Variants in LUZP2 observed in about 807,000 individuals in gnomAD.
LUZP2 encodes leucine zipper protein 2.
Under a neutral mutation model 51.6 loss-of-function variants are expected in LUZP2, and 52 were observed. The ratio of observed to expected loss-of-function variants is 1.01; its 90% CI spans 0.81 to 1.27. LUZP2 has a LOEUF of 1.27. LUZP2 is among the 50% of genes most tolerant of loss of function. The pLI, the probability that LUZP2 is intolerant of heterozygous loss-of-function variation, is 0.00. For synonymous variants in LUZP2, 154 were observed against 137.3 expected (o/e 1.12, Z -0.85); for missense variants, 436 against 395.4 (o/e 1.10, Z -0.87).
At chr11:24,533,056 T>C (rs1292279441) in intron 1 of LUZP2, among the ~76,000 whole-genome samples, 2 of 151,242 alleles carry the variant, frequency 1.3e-5, no homozygotes, top group African/African-American at 2.4e-5. Flanking sequence ...GAAAAGACAG[T>C]GCTGTATAAT....
At chr11:25,016,018 T>TCACGCCATTCTCCTGCCTC (rs1376970493) in intron 9 of LUZP2, among the ~76,000 whole-genome samples, 9 of 151,774 alleles carry the variant, frequency 5.9e-5, no homozygotes, top group Non-Finnish European at 1.2e-4. Flanking sequence ...CCTCCCGGGT[T>TCACGCCATTCTCCTGCCTC]CACGCCATTC....
intron 9 of LUZP2, among the ~76,000 whole-genome samples, chr11:25,016,860 A>C (rs897388272): frequency 6.6e-6 from 1 of 152,006 alleles, no homozygotes; most frequent in Non-Finnish European, 1.5e-5. Context: ...CACGTTTTTC[A>C]TAGAGGTTAT....
At chr11:24,664,694 A>T (rs923054301) in intron 1 of LUZP2, among the ~76,000 whole-genome samples, 1 of 152,162 alleles carries the variant, frequency 6.6e-6, no homozygotes, top group Non-Finnish European at 1.5e-5. Flanking sequence ...TACAGCTTAC[A>T]TCATTGCTTC....
chr11:24,970,852 C>G (rs1855719078), intron 7 of LUZP2, among the ~76,000 whole-genome samples: 1 of 152,110 alleles, frequency 6.6e-6, no homozygotes, highest in Non-Finnish European at 1.5e-5. Flanking sequence ...CAAGCTCCAG[C>G]TTTTTATGGT....
intron 5 of LUZP2, among the ~76,000 whole-genome samples, chr11:24,862,925 G>A (rs566655024): frequency 6.6e-6 from 1 of 152,106 alleles, no homozygotes; most frequent in South Asian, 2.1e-4. Context: ...ATTTTTTTAA[G>A]AAAACAATTA....
chr11:24,638,357 T>C (rs1164357836), intron 1 of LUZP2, among the ~76,000 whole-genome samples: 1 of 151,682 alleles, frequency 6.6e-6, no homozygotes, highest in Non-Finnish European at 1.5e-5. Context: ...AATTTCTAGC[T>C]ACAGAAGAAT....
At chr11:24,546,382 A>AAAGGAAAT (rs1244511626) in intron 1 of LUZP2, among the ~76,000 whole-genome samples, 1 of 152,080 alleles carries the variant, frequency 6.6e-6, no homozygotes, top group Non-Finnish European at 1.5e-5. Flanking sequence ...AAATGCTTCC[A>AAAGGAAAT]GCTCCTCCCT....
chr11:24,543,691 C>T (rs530548564), intron 1 of LUZP2, among the ~76,000 whole-genome samples: 7 of 151,706 alleles, frequency 4.6e-5, no homozygotes, highest in African/African-American at 1.7e-4. Context: ...CATGGTGGTG[C>T]GTGACTGTAA....
intron 5 of LUZP2, among the ~76,000 whole-genome samples, chr11:24,837,544 A>T (rs1850896895): frequency 6.6e-6 from 1 of 151,774 alleles, no homozygotes; most frequent in South Asian, 2.1e-4. Context: ...TGCATTTTTA[A>T]AATAACTTGT....
chr11:24,756,915 G>T (rs1369307808), intron 4 of LUZP2, among the ~76,000 whole-genome samples: 2 of 152,170 alleles, frequency 1.3e-5, no homozygotes, highest in African/African-American at 4.8e-5. Flanking sequence ...ATAACCACCT[G>T]CTTTGTTTTG....
At chr11:24,867,419 C>T (rs1206281444) in intron 5 of LUZP2, among the ~76,000 whole-genome samples, 2 of 152,136 alleles carry the variant, frequency 1.3e-5, no homozygotes, top group Non-Finnish European at 2.9e-5. Flanking sequence ...CTGTCTTTCT[C>T]TCCCTTCTCT....
intron 1 of LUZP2, among the ~76,000 whole-genome samples, chr11:24,671,768 G>A (rs1004305556): frequency 1.3e-5 from 2 of 152,064 alleles, no homozygotes; most frequent in African/African-American, 2.4e-5. Context: ...TAGTTGGAAC[G>A]TGTACTAAAT....
At chr11:24,696,309 CCAGACAAACAAA>C (rs1554974773) in intron 1 of LUZP2, among the ~76,000 whole-genome samples, 1 of 151,926 alleles carries the variant, frequency 6.6e-6, no homozygotes, top group Non-Finnish European at 1.5e-5. Flanking sequence ...TATTGAGTCA[CCAGACAAACAAA>C]AAGGGTTACT....
At chr11:24,641,754 G>A (rs1456766313) in intron 1 of LUZP2, among the ~76,000 whole-genome samples, 2 of 151,832 alleles carry the variant, frequency 1.3e-5, no homozygotes, top group South Asian at 2.1e-4. Context: ...GAAAACCTGG[G>A]TTTTCTTGAA....
intron 4 of LUZP2, among the ~76,000 whole-genome samples, chr11:24,741,946 CATT>C (rs1565110996): frequency 1.1e-5 from 1 of 94,184 alleles, no homozygotes; most frequent in Non-Finnish European, 2.4e-5. Flanking sequence ...TAAATATATA[CATT>C]TATATATTAT....
intron 5 of LUZP2, among the ~76,000 whole-genome samples, chr11:24,798,343 A>G (rs536100477): frequency 1.3e-5 from 2 of 152,090 alleles, no homozygotes; most frequent in Admixed American, 1.3e-4. Flanking sequence ...GACTAAAAGC[A>G]CACACCACCA....
intron 1 of LUZP2, among the ~76,000 whole-genome samples, chr11:24,635,613 G>A (rs957098778): frequency 4.6e-5 from 7 of 152,116 alleles, no homozygotes; most frequent in African/African-American, 1.7e-4. Context: ...GGTTAAAGAT[G>A]TCAGAATACA....
In LUZP2 at chr11:24,781,457, T is replaced by C. The variant is rs371869202; in HGVS notation, c.396+18149T>C. On this transcript the variant is annotated intron_variant, in intron 5 of 11. Transcript: ENST00000336930. ...TTGAAATATGTTGACTCTGCAGTAA[T>C]TGGCCCCTCAAAACAATATTAGGTC... is the stretch of plus-strand genomic sequence containing the variant. Among the ~76,000 whole-genome samples, 4 of 152,128 alleles carry C rather than the reference T, an allele frequency of 2.6e-5. No homozygotes were observed. In the South Asian group the frequency reaches 6.2e-4, roughly 24 times the overall value.
intron 1 of LUZP2, among the ~76,000 whole-genome samples, chr11:24,621,894 T>C (rs1854506961): frequency 6.6e-6 from 1 of 152,010 alleles, no homozygotes; most frequent in Non-Finnish European, 1.5e-5. Flanking sequence ...TTATAATTTC[T>C]CTTCTTTTTC....
Sources: gnomAD v4.1 joint callset for allele counts (sites outside exome capture counted in the v4.1 genomes callset) on GRCh38, gnomAD v4.1.1 for gene constraint, MANE v1.5 for transcripts, NCBI Gene and HGNC (gene_info 2026-07-23, HGNC 2026-07-21) for gene names.